MAN1A1: variants seen among roughly 807,000 people sequenced by gnomAD.
The protein encoded by MAN1A1 is mannosidase alpha class 1A member 1.
In MAN1A1, 29 loss-of-function variants were observed where a neutral mutation model predicts 70.8. That is an observed-to-expected ratio of 0.41 (90% CI 0.31 to 0.56). The LOEUF (loss-of-function observed/expected upper bound fraction) is 0.56. Among genes scored for constraint, MAN1A1 ranks in the 20% least tolerant of loss-of-function variants. The probability of loss-of-function intolerance (pLI) is 0.29; values close to 1 mark genes in which losing one functional copy is unlikely to be tolerated. For missense variants in MAN1A1, 747 were observed against 841.3 expected (o/e 0.89, Z 1.39); for synonymous variants, 349 against 330.1 (o/e 1.06, Z -0.62).
At chr6:119,246,907 G>A (rs147464063) in intron 6 of MAN1A1, among the ~76,000 whole-genome samples, 2 of 152,168 alleles carry the variant, frequency 1.3e-5, no homozygotes, top group Non-Finnish European at 2.9e-5. Flanking sequence ...AGGAAGAACA[G>A]ATCCTGAGGC....
intron 5 of MAN1A1, among the ~76,000 whole-genome samples, chr6:119,263,964 C>T (rs960141686): frequency 1.3e-5 from 2 of 152,308 alleles, no homozygotes; most frequent in African/African-American, 4.8e-5. Flanking sequence ...ATGTTTCCTT[C>T]AGTTCTTGAC....
At chr6:119,238,286 T>C (rs141660927) in intron 6 of MAN1A1, among the ~76,000 whole-genome samples, 2,019 of 152,310 alleles carry the variant, frequency 0.013, 17 homozygotes, top group Middle Eastern at 0.037. Context: ...GTAATTGTTT[T>C]GTCCATGGCA....
intron 8 of MAN1A1, among the ~76,000 whole-genome samples, chr6:119,197,976 T>C (rs1773619025): frequency 6.6e-6 from 1 of 152,100 alleles, no homozygotes; most frequent in African/African-American, 2.4e-5. Flanking sequence ...AAATCCTAAA[T>C]CATAGGAAGG....
intron 2 of MAN1A1, 72 bp from the exon 3 acceptor site, chr6:119,307,064 G>A (rs538409048): frequency 1.2e-5 from 12 of 969,548 alleles, no homozygotes; most frequent in Non-Finnish European, 1.9e-5. Flanking sequence ...GTAATATATT[G>A]AAGAGCAAAG....
chr6:119,256,228 T>C (rs564881182), intron 5 of MAN1A1, among the ~76,000 whole-genome samples: 1 of 152,310 alleles, frequency 6.6e-6, no homozygotes, highest in Non-Finnish European at 1.5e-5. Flanking sequence ...CTTCCAATTG[T>C]AAGCATAGTT....
At position 119,306,993 on chromosome 6, in the gene MAN1A1, CT is replaced by C; in HGVS notation, c.604-2del. 1 of 1,534,488 alleles carries C rather than the reference CT, an allele frequency of 6.5e-7. No homozygotes were observed. Among genetic ancestry groups the C allele is most frequent in the Non-Finnish European group, 9.0e-7 (1 of 1,116,686 alleles). Reference sequence around the variant, plus strand: ...AATTATTCCAAGCATGTTTCATCATCTGAAAAAAAAAATAAAAACAGGATTA... The same window carrying C: ...AATTATTCCAAGCATGTTTCATCATCGAAAAAAAAAATAAAAACAGGATTA... On this transcript the variant is annotated splice_acceptor_variant, in intron 2 of 12. Transcript: ENST00000368468. LOFTEE classifies it high-confidence loss of function.
chr6:119,297,797 T>TTTTC (rs1234382624), intron 4 of MAN1A1, among the ~76,000 whole-genome samples: 3,135 of 122,618 alleles, frequency 0.026, 130 homozygotes, highest in African/African-American at 0.077. Context: ...TGGAGTTTTT[T>TTTTC]TGTTTTGTTT....
rs149486220 is a variant in MAN1A1, at chr6:119,316,280, C to T, written c.604-9288G>A. On this transcript the variant is annotated intron_variant, in intron 2 of 12. Coordinates refer to ENST00000368468, the MANE Select transcript of MAN1A1 (RefSeq NM_005907.4). ...GCAATCTCCACCTCCCGCGTTCAAG[C>T]GATTGTCCTGCCTCAGCCTCCTGAG... 6.4e-3 allele frequency among the ~76,000 whole-genome samples: 949 copies of T among 148,428 alleles called. 6 individuals are homozygous for T. Among genetic ancestry groups the T allele is most frequent in the African/African-American group, 0.022 (888 of 40,116 alleles).
At chr6:119,281,595 T>C (rs1380791897) in intron 5 of MAN1A1, among the ~76,000 whole-genome samples, 1 of 152,198 alleles carries the variant, frequency 6.6e-6, no homozygotes, top group Admixed American at 6.5e-5. Context: ...GAAGGAAGGA[T>C]GATGAGAAGC....
chr6:119,286,332 C>A (rs530592368), intron 5 of MAN1A1, among the ~76,000 whole-genome samples: 1 of 152,218 alleles, frequency 6.6e-6, no homozygotes, highest in African/African-American at 2.4e-5. Context: ...AATGTCTTAA[C>A]CCTATTATGA....
chr6:119,192,989 G>T (rs1650409640), intron 9 of MAN1A1, among the ~76,000 whole-genome samples: 1 of 152,118 alleles, frequency 6.6e-6, no homozygotes, highest in African/African-American at 2.4e-5. Flanking sequence ...TTGCAAATTA[G>T]TAAATGAAGA....
At chr6:119,197,705 G>A (rs1278670029) in intron 8 of MAN1A1, among the ~76,000 whole-genome samples, 1 of 151,938 alleles carries the variant, frequency 6.6e-6, no homozygotes, top group African/African-American at 2.4e-5. Context: ...CTCGATTGAA[G>A]AATAAAAAAA....
At chr6:119,185,180 G>A (rs1773253599) in intron 11 of MAN1A1, among the ~76,000 whole-genome samples, 1 of 152,198 alleles carries the variant, frequency 6.6e-6, no homozygotes, top group East Asian at 1.9e-4. Flanking sequence ...GAGCCACCAC[G>A]CCTGGCTTTC....
At chr6:119,258,792 T>C (rs1775528812) in intron 5 of MAN1A1, among the ~76,000 whole-genome samples, 1 of 152,278 alleles carries the variant, frequency 6.6e-6, no homozygotes, top group South Asian at 2.1e-4. Context: ...CGGTGAAATG[T>C]AGAATGATCC....
At chr6:119,288,194 A>C (rs910260666) in intron 5 of MAN1A1, among the ~76,000 whole-genome samples, 1 of 151,932 alleles carries the variant, frequency 6.6e-6, no homozygotes, top group African/African-American at 2.4e-5. Context: ...CAAATTTAAC[A>C]ATCTTGAGCT....
At chr6:119,337,507 G>A (rs1038110932) in intron 2 of MAN1A1, among the ~76,000 whole-genome samples, 4 of 152,180 alleles carry the variant, frequency 2.6e-5, no homozygotes, top group Non-Finnish European at 5.9e-5. Flanking sequence ...TGGATGAATA[G>A]GGGAAGCTCT....
chr6:119,273,999 C>T (rs1353771590), intron 5 of MAN1A1, among the ~76,000 whole-genome samples: 1 of 152,080 alleles, frequency 6.6e-6, no homozygotes, highest in Non-Finnish European at 1.5e-5. Context: ...TGGAAAACTG[C>T]CCATTTATGA....
chr6:119,320,158 CA>C (rs1377551075), intron 2 of MAN1A1, among the ~76,000 whole-genome samples: 8 of 152,032 alleles, frequency 5.3e-5, no homozygotes, highest in African/African-American at 1.7e-4. Context: ...ATTTTTAGTA[CA>C]GACGAGGTTT....
At chr6:119,218,652 C>T (rs1288382930) in intron 6 of MAN1A1, among the ~76,000 whole-genome samples, 5 of 152,018 alleles carry the variant, frequency 3.3e-5, no homozygotes, top group African/African-American at 1.2e-4. Context: ...GTTTTGAGTA[C>T]ACCAGCTTTT....
Sources: allele counts gnomAD v4.1 joint callset (sites outside exome capture counted in the v4.1 genomes callset), GRCh38; gene constraint gnomAD v4.1.1; transcripts MANE v1.5; gene names NCBI Gene and HGNC (gene_info 2026-07-23, HGNC 2026-07-21).